Variants in B3GALT1 observed in about 807,000 individuals in gnomAD.
The protein encoded by B3GALT1 is UDP-Gal:betaGlcNAc beta 1,3-galactosyltransferase, polypeptide 1.
In B3GALT1, 10 loss-of-function variants were observed where a neutral mutation model predicts 23.2. That is an observed-to-expected ratio of 0.43 (90% confidence interval 0.27 to 0.73). The LOEUF is 0.73. Among genes scored for constraint, B3GALT1 ranks in the 30% least tolerant of loss-of-function variants. The probability of loss-of-function intolerance (pLI) is 0.21; values close to 1 mark genes in which losing one functional copy is unlikely to be tolerated. For missense variants in B3GALT1, 299 were observed against 405.4 expected (o/e 0.74, Z 2.25); for synonymous variants, 156 against 141.5 (o/e 1.10, Z -0.73).
intron 1 of B3GALT1, among the ~76,000 whole-genome samples, chr2:167,385,757 T>G (rs942228318): frequency 6.6e-6 from 1 of 152,010 alleles, no homozygotes; most frequent in Non-Finnish European, 1.5e-5. Flanking sequence ...ATTGCTGACT[T>G]GGTGGACACC....
intron 1 of B3GALT1, among the ~76,000 whole-genome samples, chr2:167,296,919 C>T (rs557168358): frequency 1.3e-5 from 2 of 152,150 alleles, no homozygotes; most frequent in East Asian, 3.9e-4. Context: ...ATCTCATGGA[C>T]CAATCTCTTT....
intron 3 of B3GALT1, among the ~76,000 whole-genome samples, chr2:167,670,598 C>T (rs1368756519): frequency 6.6e-6 from 1 of 151,992 alleles, no homozygotes; most frequent in African/African-American, 2.4e-5. Flanking sequence ...GCAAGTAGTT[C>T]AAAATAATTG....
At chr2:167,676,733 C>T (rs191213363) in intron 3 of B3GALT1, among the ~76,000 whole-genome samples, 2 of 152,200 alleles carry the variant, frequency 1.3e-5, no homozygotes, top group Non-Finnish European at 2.9e-5. Flanking sequence ...GACTGGGTTG[C>T]TCCATGTTGG....
rs376289429 is a variant in B3GALT1, at chr2:167,368,899, C to G, written c.-511+75565C>G. On this transcript the variant is annotated intron_variant, in intron 1 of 4. Coordinates refer to ENST00000392690, the MANE Select transcript of B3GALT1 (RefSeq NM_020981.4). ...ATTAGGTATTGCATGCTTCCCCCCC[C>G]CATGTGAGTATTCCTAAGATAGTAG... Among the ~76,000 whole-genome samples the G allele has an allele frequency of 1.1e-3, 170 of 152,120 alleles. 3 individuals are homozygous for G. In the South Asian group the frequency reaches 0.02, roughly 18 times the overall value.
rs1230973688 is a variant in B3GALT1 at position 167,539,848 on chromosome 2, G to A, written c.-410+49571G>A. The stretch of plus-strand genomic sequence containing the variant: ...ATATAATTTTTAATTTAATTTAAAT[G>A]GCTTTCTTGTAAGCTTTTAATTATT... On this transcript the variant is annotated intron_variant, in intron 2 of 4. Transcript: ENST00000392690. Among the ~76,000 whole-genome samples, 5 of 151,916 alleles carry A rather than the reference G, an allele frequency of 3.3e-5. No individual in the cohort carries two copies. The East Asian group carries it at 5.8e-4, about 18-fold the overall frequency.
intron 1 of B3GALT1, among the ~76,000 whole-genome samples, chr2:167,481,305 A>G (rs1170319729): frequency 1.3e-5 from 2 of 152,340 alleles, no homozygotes; most frequent in African/African-American, 4.8e-5. Flanking sequence ...CCACAGTGGA[A>G]TAAAATGATA....
intron 3 of B3GALT1, among the ~76,000 whole-genome samples, chr2:167,755,104 T>C (rs1687796206): frequency 6.6e-6 from 1 of 152,092 alleles, no homozygotes; most frequent in African/African-American, 2.4e-5. Flanking sequence ...GTCCCACAGG[T>C]TGGTTTACAA....
intron 3 of B3GALT1, among the ~76,000 whole-genome samples, chr2:167,802,114 T>A (rs1379923153): frequency 6.6e-6 from 1 of 152,206 alleles, no homozygotes; most frequent in African/African-American, 2.4e-5. Context: ...TGGGTGGGAA[T>A]ATACTGTAGA....
intron 2 of B3GALT1, among the ~76,000 whole-genome samples, chr2:167,527,031 CTAATA>C (rs1683231568): frequency 6.6e-6 from 1 of 152,046 alleles, no homozygotes; most frequent in Non-Finnish European, 1.5e-5. Flanking sequence ...CCATTATCTT[CTAATA>C]TATTTCCTTA....
chr2:167,582,848 A>G (rs1684513104), intron 2 of B3GALT1, among the ~76,000 whole-genome samples: 2 of 152,082 alleles, frequency 1.3e-5, no homozygotes, highest in South Asian at 4.2e-4. Flanking sequence ...CCCCGCACTG[A>G]TCCTGGCCAG....
At chr2:167,700,870 CAAG>C (rs1049187021) in intron 3 of B3GALT1, among the ~76,000 whole-genome samples, 1 of 152,008 alleles carries the variant, frequency 6.6e-6, no homozygotes, top group Non-Finnish European at 1.5e-5. Flanking sequence ...AGAGAGTGAT[CAAG>C]AAGAAGATAT....
At chr2:167,532,784 T>G (rs1199224923) in intron 2 of B3GALT1, among the ~76,000 whole-genome samples, 1 of 152,106 alleles carries the variant, frequency 6.6e-6, no homozygotes, top group African/African-American at 2.4e-5. Context: ...ATATCCTGTT[T>G]TATAGCTTTC....
intron 3 of B3GALT1, among the ~76,000 whole-genome samples, chr2:167,740,615 T>TTATA (rs748599355): frequency 1.7e-4 from 26 of 151,916 alleles, no homozygotes; most frequent in Non-Finnish European, 2.8e-4. Context: ...ATAAAAAGAG[T>TTATA]ATAAAATAGA....
intron 1 of B3GALT1, among the ~76,000 whole-genome samples, chr2:167,316,077 A>G (rs1696713121): frequency 1.3e-5 from 2 of 149,990 alleles, no homozygotes; most frequent in Admixed American, 6.6e-5. Context: ...TCTAGCAGTT[A>G]TATTTTTTTT....
intron 2 of B3GALT1, among the ~76,000 whole-genome samples, chr2:167,506,451 T>C (rs1039716288): frequency 3.9e-5 from 6 of 152,338 alleles, no homozygotes; most frequent in South Asian, 2.1e-4. Flanking sequence ...ATAGAACTTA[T>C]GGCAAATAAA....
intron 4 of B3GALT1, among the ~76,000 whole-genome samples, chr2:167,843,610 C>G (rs183655457): frequency 1.3e-5 from 2 of 152,176 alleles, no homozygotes; most frequent in Non-Finnish European, 2.9e-5. Context: ...ACCAGGAAGA[C>G]TTCAAACCAA....
At chr2:167,845,436 C>G (rs1285958224) in intron 4 of B3GALT1, among the ~76,000 whole-genome samples, 1 of 152,208 alleles carries the variant, frequency 6.6e-6, no homozygotes, top group East Asian at 1.9e-4. Flanking sequence ...GCAGACAACA[C>G]CCAGTACCAG....
intron 1 of B3GALT1, among the ~76,000 whole-genome samples, chr2:167,445,870 G>T (rs1698979424): frequency 6.6e-6 from 1 of 152,078 alleles, no homozygotes; most frequent in Non-Finnish European, 1.5e-5. Context: ...TACACTTAAG[G>T]TTCATATTGT....
At chr2:167,294,161 C>G (rs765448471) in intron 1 of B3GALT1, among the ~76,000 whole-genome samples, 1 of 152,180 alleles carries the variant, frequency 6.6e-6, no homozygotes, top group East Asian at 1.9e-4. Context: ...GCCCGGCGTC[C>G]AGGTGGGGCC....
Sources: gnomAD v4.1 joint callset for allele counts (sites outside exome capture counted in the v4.1 genomes callset) on GRCh38, gnomAD v4.1.1 for gene constraint, MANE v1.5 for transcripts, NCBI Gene and HGNC (gene_info 2026-07-23, HGNC 2026-07-21) for gene names.